Variants in CALCRL observed in about 807,000 individuals in gnomAD.
CALCRL encodes calcitonin receptor like receptor.
Under a neutral mutation model 60.4 loss-of-function variants are expected in CALCRL, and 27 were observed. That is an observed-to-expected ratio of 0.45 (90% CI 0.33 to 0.62). The LOEUF (loss-of-function observed/expected upper bound fraction) is 0.62, where lower values mean the gene tolerates loss of function less well. Among genes scored for constraint, CALCRL ranks in the 20% least tolerant of loss-of-function variants. CALCRL has a pLI of 0.03. For synonymous variants in CALCRL, 190 were observed against 182.6 expected, an observed-to-expected ratio of 1.04 and a Z score of -0.33; for missense variants, 424 against 540.7, an observed-to-expected ratio of 0.78 and a Z score of 2.14.
intron 1 of CALCRL, chr2:187,415,865 C>A: frequency 6.5e-6 from 2 of 305,904 alleles, no homozygotes; most frequent in South Asian, 4.8e-5. Flanking sequence ...CACCACCAGC[C>A]CCAGCAAGAG....
intron 1 of CALCRL, among the ~76,000 whole-genome samples, chr2:187,410,593 G>T (rs1373034959): frequency 6.6e-6 from 1 of 152,200 alleles, no homozygotes; most frequent in Non-Finnish European, 1.5e-5. Flanking sequence ...GCCTGTTTTA[G>T]ACAGTGGAGG....
At chr2:187,398,777 CA>C (rs1295549711) in intron 1 of CALCRL, among the ~76,000 whole-genome samples, 1 of 151,636 alleles carries the variant, frequency 6.6e-6, no homozygotes, top group East Asian at 1.9e-4. Context: ...GCAAGTAGGG[CA>C]TGAATATCAG....
intron 1 of CALCRL, among the ~76,000 whole-genome samples, chr2:187,400,786 A>AG (rs1340609173): frequency 6.6e-6 from 1 of 151,514 alleles, no homozygotes; most frequent in African/African-American, 2.4e-5. Context: ...AGTAAAAAAA[A>AG]AGAAACATAT....
At chr2:187,365,474 AG>A (rs1687237871) in intron 8 of CALCRL, among the ~76,000 whole-genome samples, 1 of 152,174 alleles carries the variant, frequency 6.6e-6, no homozygotes, top group African/African-American at 2.4e-5. Flanking sequence ...GCTACCATCA[AG>A]GGAAAAAAAG....
chr2:187,384,149 C>A (rs1688106623), intron 4 of CALCRL, among the ~76,000 whole-genome samples: 1 of 152,150 alleles, frequency 6.6e-6, no homozygotes, highest in African/African-American at 2.4e-5. Context: ...AAATGACATT[C>A]CCTCACTGGG....
chr2:187,396,715 A>G (rs1437309228), intron 1 of CALCRL, among the ~76,000 whole-genome samples: 2 of 151,934 alleles, frequency 1.3e-5, no homozygotes, highest in African/African-American at 4.8e-5. Flanking sequence ...AAACTTCTAG[A>G]AAGTATTTTA....
chr2:187,378,766 A>T (rs1017188855), intron 8 of CALCRL, among the ~76,000 whole-genome samples, 174 bp downstream of exon 8: 2 of 152,158 alleles, frequency 1.3e-5, no homozygotes, highest in South Asian at 2.1e-4. Flanking sequence ...AAGATATTTC[A>T]TCAGTCTCCT....
intron 8 of CALCRL, among the ~76,000 whole-genome samples, chr2:187,374,998 C>G (rs1277543304): frequency 1.3e-5 from 2 of 152,062 alleles, no homozygotes; most frequent in Admixed American, 6.6e-5. Context: ...GTTGGCCGGG[C>G]GCGGTGGCTC....
At chr2:187,361,206 G>T (rs1290602988) in intron 9 of CALCRL, among the ~76,000 whole-genome samples, 1 of 151,872 alleles carries the variant, frequency 6.6e-6, no homozygotes, top group Non-Finnish European at 1.5e-5. Context: ...TGCTCCTCAT[G>T]CAAATGCTTA....
At chr2:187,346,841 T>TCAG (rs57186359) in intron 14 of CALCRL, among the ~76,000 whole-genome samples, 80,018 of 150,438 alleles carry the variant, frequency 0.53, 22,037 homozygotes, top group East Asian at 0.66. Flanking sequence ...AGAATACAAA[T>TCAG]CAGCAGCAGC....
At chr2:187,425,374 T>C (rs1430433887) in intron 1 of CALCRL, among the ~76,000 whole-genome samples, 3 of 151,952 alleles carry the variant, frequency 2.0e-5, no homozygotes, top group Non-Finnish European at 2.9e-5. Context: ...TGGACCTTTC[T>C]TAACTTCCTT....
intron 9 of CALCRL, among the ~76,000 whole-genome samples, chr2:187,361,812 A>G (rs150793017): frequency 7.0e-4 from 106 of 152,030 alleles, no homozygotes; most frequent in African/African-American, 2.5e-3. Flanking sequence ...GAACATTCCA[A>G]TTTTGTTTTC....
chr2:187,386,369 C>T (rs1365491390), intron 3 of CALCRL, among the ~76,000 whole-genome samples: 5 of 152,046 alleles, frequency 3.3e-5, no homozygotes, highest in Admixed American at 6.6e-5. Context: ...TGAGAATCAA[C>T]ATCTATACAT....
At chr2:187,407,980 T>C (rs997025744) in intron 1 of CALCRL, among the ~76,000 whole-genome samples, 2 of 152,030 alleles carry the variant, frequency 1.3e-5, no homozygotes, top group Non-Finnish European at 2.9e-5. Flanking sequence ...AAACTCTACA[T>C]AGTTTGAGCA....
At chr2:187,421,782 A>T (rs1405353849) in intron 1 of CALCRL, among the ~76,000 whole-genome samples, 1 of 152,206 alleles carries the variant, frequency 6.6e-6, no homozygotes, top group Non-Finnish European at 1.5e-5. Context: ...TAGAAGCTCC[A>T]AACCAGTTCA....
chr2:187,370,784 G>A (rs114327680), intron 8 of CALCRL, among the ~76,000 whole-genome samples: 1,583 of 152,202 alleles, frequency 0.01, 38 homozygotes, highest in African/African-American at 0.036. Flanking sequence ...ATGTAGAAAT[G>A]CAATTATTTT....
At chr2:187,385,278 T>A (rs977356433) in intron 4 of CALCRL, among the ~76,000 whole-genome samples, 5 of 152,176 alleles carry the variant, frequency 3.3e-5, no homozygotes, top group Non-Finnish European at 5.9e-5. Flanking sequence ...GTCATTCCAT[T>A]TTTTTTTCAA....
intron 14 of CALCRL, among the ~76,000 whole-genome samples, chr2:187,348,803 C>A (rs1037810250): frequency 2.0e-5 from 3 of 151,488 alleles, no homozygotes; most frequent in Admixed American, 1.3e-4. Context: ...AATATCACAC[C>A]TGTTAAATAC....
intron 1 of CALCRL, among the ~76,000 whole-genome samples, chr2:187,388,224 T>C (rs1688286428): frequency 6.6e-6 from 1 of 152,138 alleles, no homozygotes; most frequent in Non-Finnish European, 1.5e-5. Context: ...AATTTTGTGT[T>C]TTAATCTTCT....
Sources: allele counts gnomAD v4.1 joint callset (sites outside exome capture counted in the v4.1 genomes callset), GRCh38; gene constraint gnomAD v4.1.1; transcripts MANE v1.5; gene names NCBI Gene and HGNC (gene_info 2026-07-23, HGNC 2026-07-21).